WWOX: variants seen among roughly 807,000 people sequenced by gnomAD.
WWOX encodes the protein WW domain-containing oxidoreductase.
A neutral mutation model predicts 46.2 loss-of-function variants in WWOX; 69 were observed. The ratio of observed to expected loss-of-function variants is 1.49; its 90% confidence interval spans 1.23 to 1.82. WWOX has a LOEUF of 1.82. Among genes scored for constraint, WWOX ranks in the 40% most tolerant of loss-of-function variants. The pLI, the probability that WWOX is intolerant of heterozygous loss-of-function variation, is 0.00. For missense variants in WWOX, 919 were observed against 542.6 expected, an observed-to-expected ratio of 1.69 and a Z score of -6.89; for synonymous variants, 359 against 202.6, an observed-to-expected ratio of 1.77 and a Z score of -6.56.
chr16:78,723,736 G>T (rs772856589), intron 8 of WWOX, among the ~76,000 whole-genome samples: 7 of 151,708 alleles, frequency 4.6e-5, no homozygotes, highest in Non-Finnish European at 1.0e-4. Context: ...GTTCACTCCT[G>T]ACAGTTCTTT....
At chr16:79,007,858 G>A (rs1597268155) in intron 8 of WWOX, among the ~76,000 whole-genome samples, 1 of 152,178 alleles carries the variant, frequency 6.6e-6, no homozygotes. Context: ...CACTCATGGT[G>A]TCACAAGCCC....
At chr16:78,184,083 A>C (rs1411664487) in intron 5 of WWOX, among the ~76,000 whole-genome samples, 1 of 152,194 alleles carries the variant, frequency 6.6e-6, no homozygotes, top group African/African-American at 2.4e-5. Context: ...TGCTTGGCAC[A>C]GACCTCGGTG....
chr16:78,638,946 A>G (rs1369232951), intron 8 of WWOX, among the ~76,000 whole-genome samples: 1 of 152,162 alleles, frequency 6.6e-6, no homozygotes, highest in African/African-American at 2.4e-5. Flanking sequence ...CAAGAGAATG[A>G]TTCCCTCTGG....
chr16:78,397,576 T>A (rs2082316754), intron 6 of WWOX, among the ~76,000 whole-genome samples: 1 of 152,190 alleles, frequency 6.6e-6, no homozygotes, highest in Non-Finnish European at 1.5e-5. Flanking sequence ...GCTTGGAGAA[T>A]CAGAAAGATC....
intron 4 of WWOX, among the ~76,000 whole-genome samples, chr16:78,137,284 C>T (rs1329028789): frequency 2.6e-5 from 4 of 152,168 alleles, no homozygotes; most frequent in Non-Finnish European, 4.4e-5. Flanking sequence ...TGAATCCTCA[C>T]CCTCCGATAA....
chr16:79,030,076 C>G (rs955304522), intron 8 of WWOX, among the ~76,000 whole-genome samples: 1 of 152,112 alleles, frequency 6.6e-6, no homozygotes, highest in African/African-American at 2.4e-5. Context: ...AAAATAGCAT[C>G]TGCCCAAAAG....
chr16:78,730,669 G>C (rs113438086), intron 8 of WWOX, among the ~76,000 whole-genome samples: 3 of 145,118 alleles, frequency 2.1e-5, no homozygotes, highest in Admixed American at 1.5e-4. Context: ...TGTGTTGCCC[G>C]GGATGGTCTT....
At position 78,929,616 on chromosome 16, in the gene WWOX, G is replaced by A. The variant is rs572783759; in HGVS notation, c.1057-281992G>A. Reference sequence around the variant, plus strand: ...TGGACAAGGAGGGCGGGATAAGATTGCCAGGCCCTGCTTCTATTTCTGGGG... The same window carrying A: ...TGGACAAGGAGGGCGGGATAAGATTACCAGGCCCTGCTTCTATTTCTGGGG... On this transcript the variant is annotated intron_variant, in intron 8 of 8. Coordinates refer to ENST00000566780, the MANE Select transcript of WWOX (RefSeq NM_016373.4). 2.2e-3 allele frequency among the ~76,000 whole-genome samples: 331 copies of A among 152,236 alleles called. 1 individual carries two copies. Among genetic ancestry groups the A allele is most frequent in the Middle Eastern group, 0.01 (3 of 294 alleles).
At chr16:78,664,071 C>T (rs1374613808) in intron 8 of WWOX, among the ~76,000 whole-genome samples, 1 of 152,086 alleles carries the variant, frequency 6.6e-6, no homozygotes, top group Non-Finnish European at 1.5e-5. Context: ...CCATGGTTGC[C>T]ATGAGGAGGA....
At chr16:78,445,063 A>G (rs2083528360) in intron 8 of WWOX, among the ~76,000 whole-genome samples, 1 of 152,014 alleles carries the variant, frequency 6.6e-6, no homozygotes, top group Non-Finnish European at 1.5e-5. Flanking sequence ...TCGTGTAGTG[A>G]GCCAGGTGAG....
At chr16:78,725,583 G>A (rs767302774) in intron 8 of WWOX, among the ~76,000 whole-genome samples, 1 of 151,652 alleles carries the variant, frequency 6.6e-6, no homozygotes, top group Non-Finnish European at 1.5e-5. Context: ...CTGACCTCAG[G>A]CGATCTACCC....
At chr16:78,897,240 TAAAAAAAAAAAAAA>T (rs60048933) in intron 8 of WWOX, 2 of 53,724 alleles carry the variant, frequency 3.7e-5, no homozygotes, top group African/African-American at 1.7e-4. Context: ...AGACTGTCTT[TAAAAAAAAAAAAAA>T]AAAAAAAAAA....
intron 8 of WWOX, among the ~76,000 whole-genome samples, chr16:78,915,441 A>G (rs1177080400): frequency 1.3e-5 from 2 of 152,238 alleles, no homozygotes; most frequent in Admixed American, 1.3e-4. Flanking sequence ...AATCGACTTA[A>G]TATGACTTGA....
intron 6 of WWOX, among the ~76,000 whole-genome samples, chr16:78,395,312 AG>A (rs2151940272): frequency 6.6e-6 from 1 of 152,248 alleles, no homozygotes; most frequent in South Asian, 2.1e-4. Context: ...TGAGTTCCGG[AG>A]TTTGAGACCA....
intron 6 of WWOX, among the ~76,000 whole-genome samples, chr16:78,392,157 G>A (rs911176342): frequency 4.7e-4 from 72 of 152,092 alleles, no homozygotes; most frequent in Non-Finnish European, 2.1e-4. Context: ...TGGTGGGCAA[G>A]CATAGGAAGC....
At chr16:78,590,874 G>C (rs375246486) in intron 8 of WWOX, among the ~76,000 whole-genome samples, 1 of 152,118 alleles carries the variant, frequency 6.6e-6, no homozygotes, top group Non-Finnish European at 1.5e-5. Flanking sequence ...AGACTCCAGC[G>C]TTTAGACAAC....
At chr16:78,912,241 A>G (rs764717407) in intron 8 of WWOX, among the ~76,000 whole-genome samples, 10 of 152,064 alleles carry the variant, frequency 6.6e-5, no homozygotes, top group Non-Finnish European at 1.2e-4. Context: ...AGCATGTCCT[A>G]TCATTAACAC....
chr16:79,067,621 TGGGTG>T (rs2150559416), intron 8 of WWOX, among the ~76,000 whole-genome samples: 1 of 44,266 alleles, frequency 2.3e-5, no homozygotes, highest in South Asian at 9.3e-4. Context: ...TTTGTGCGTG[TGGGTG>T]GGGTGGGGGG....
intron 8 of WWOX, among the ~76,000 whole-genome samples, chr16:79,086,122 A>G (rs1036631121): frequency 1.3e-5 from 2 of 152,134 alleles, no homozygotes; most frequent in Non-Finnish European, 2.9e-5. Flanking sequence ...CTAACAGTCA[A>G]TATTGTGGCT....
Sources: gnomAD v4.1 joint callset for allele counts (sites outside exome capture counted in the v4.1 genomes callset) on GRCh38, gnomAD v4.1.1 for gene constraint, MANE v1.5 for transcripts, NCBI Gene and HGNC (gene_info 2026-07-23, HGNC 2026-07-21) for gene names.